CDK8: variants seen among roughly 807,000 people sequenced by gnomAD.
CDK8 encodes cyclin-dependent kinase 8.
In CDK8, 29 loss-of-function variants were observed where a neutral mutation model predicts 71.5. The ratio of observed to expected loss-of-function variants is 0.41; its 90% CI spans 0.30 to 0.55. CDK8 has a LOEUF of 0.55. CDK8 is among the 20% of genes least tolerant of loss of function. The probability of loss-of-function intolerance (pLI) is 0.37; values close to 1 mark genes in which losing one functional copy is unlikely to be tolerated. For synonymous variants in CDK8, 161 were observed against 192.1 expected, an observed-to-expected ratio of 0.84 and a Z score of 1.34; for missense variants, 288 against 572.6, an observed-to-expected ratio of 0.50 and a Z score of 5.07.
chr13:26,387,235 C>T (rs1875522568), intron 6 of CDK8, among the ~76,000 whole-genome samples: 1 of 151,946 alleles, frequency 6.6e-6, no homozygotes. Flanking sequence ...TGCAGTATTC[C>T]CAGAATAATT....
chr13:26,315,761 A>G (rs1874481169), intron 1 of CDK8, among the ~76,000 whole-genome samples: 1 of 152,184 alleles, frequency 6.6e-6, no homozygotes, highest in African/African-American at 2.4e-5. Context: ...GGGAGTAACA[A>G]TACATTGTTG....
At chr13:26,312,554 G>A (rs1386407552) in intron 1 of CDK8, among the ~76,000 whole-genome samples, 1 of 152,196 alleles carries the variant, frequency 6.6e-6, no homozygotes, top group Non-Finnish European at 1.5e-5. Context: ...AAGTCAGCAA[G>A]ACCACGAACC....
chr13:26,376,268 A>G (rs1874944659), intron 4 of CDK8, among the ~76,000 whole-genome samples: 2 of 152,002 alleles, frequency 1.3e-5, no homozygotes, highest in South Asian at 4.1e-4. Context: ...TGAAAGCTAA[A>G]AGTTTTCGAT....
chr13:26,260,219 GT>G (rs1374231895), intron 1 of CDK8, among the ~76,000 whole-genome samples: 4 of 152,088 alleles, frequency 2.6e-5, no homozygotes, highest in Admixed American at 1.3e-4. Context: ...TGTACGTGTA[GT>G]AGTATATATA....
In CDK8 at chr13:26,337,661, A is replaced by G. The variant is rs1384189073; in HGVS notation, c.204+19A>G. ...AATAGCAGTAAGTGAAGTTCTTTTT[A>G]TCATCGTTATTATCAACTGACTTAT... On this transcript the variant is annotated intron_variant, in intron 2 of 12. Transcript: ENST00000381527. 1.6e-6 allele frequency: 2 copies of G among 1,243,604 alleles called. No homozygotes were observed. Among genetic ancestry groups the G allele is most frequent in the Non-Finnish European group, 1.1e-6 (1 of 920,792 alleles). 77.0% of individuals were successfully genotyped at this position (1,243,604 alleles called of 1,614,324 possible).
At chr13:26,298,139 A>G (rs1250012611) in intron 1 of CDK8, among the ~76,000 whole-genome samples, 1 of 152,080 alleles carries the variant, frequency 6.6e-6, no homozygotes, top group African/African-American at 2.4e-5. Context: ...TCAGCACATT[A>G]ATTTTGCAGG....
In CDK8 at chr13:26,324,699, A is replaced by G. The variant is rs544367772; in HGVS notation, c.129-12868A>G. On this transcript the variant is annotated intron_variant, in intron 1 of 12. Coordinates refer to ENST00000381527, the MANE Select transcript of CDK8 (RefSeq NM_001260.3). Reference sequence around the variant, plus strand: ...TAGCATGAGTGTTAAGGAGAAAAGAATGATTATAAATGATCAATGTCAAAA... The same window carrying G: ...TAGCATGAGTGTTAAGGAGAAAAGAGTGATTATAAATGATCAATGTCAAAA... 3 of 236,122 alleles carry G rather than the reference A, an allele frequency of 1.3e-5. No homozygotes were observed. In the South Asian group the frequency reaches 4.7e-4, roughly 37 times the overall value. 14.6% of individuals were successfully genotyped at this position (236,122 alleles called of 1,614,324 possible).
intron 1 of CDK8, among the ~76,000 whole-genome samples, chr13:26,296,757 CA>C (rs774801037): frequency 2.6e-5 from 4 of 152,160 alleles, no homozygotes; most frequent in Non-Finnish European, 5.9e-5. Context: ...GCGCCAGTAT[CA>C]TTAGGTAGCT....
intron 1 of CDK8, among the ~76,000 whole-genome samples, chr13:26,332,911 C>G (rs1872818689): frequency 6.6e-6 from 1 of 152,172 alleles, no homozygotes; most frequent in Admixed American, 6.5e-5. Context: ...TTGAGCACCT[C>G]TCATCCAAAA....
At chr13:26,317,783 A>T (rs537175997) in intron 1 of CDK8, among the ~76,000 whole-genome samples, 60 of 152,306 alleles carry the variant, frequency 3.9e-4, no homozygotes, top group Non-Finnish European at 6.6e-4. Flanking sequence ...CTTATGGGAC[A>T]CAGCAAAAGC....
intron 1 of CDK8, among the ~76,000 whole-genome samples, chr13:26,336,588 C>G (rs556744141): frequency 7.2e-6 from 1 of 139,104 alleles, no homozygotes; most frequent in African/African-American, 2.7e-5. Context: ...GAGTCTCGCT[C>G]TGTCGCCCAG....
chr13:26,288,329 C>T (rs1873123200), intron 1 of CDK8, among the ~76,000 whole-genome samples: 1 of 152,126 alleles, frequency 6.6e-6, no homozygotes, highest in Admixed American at 6.6e-5. Context: ...TTGTTACCTA[C>T]TGTAAGGTTA....
At chr13:26,318,433 C>T (rs950902760) in intron 1 of CDK8, among the ~76,000 whole-genome samples, 2 of 152,138 alleles carry the variant, frequency 1.3e-5, no homozygotes, top group African/African-American at 4.8e-5. Context: ...CTAACTCATT[C>T]TGTATGAGGC....
intron 1 of CDK8, among the ~76,000 whole-genome samples, chr13:26,295,557 A>G (rs1415619650): frequency 6.6e-6 from 1 of 152,158 alleles, no homozygotes; most frequent in Non-Finnish European, 1.5e-5. Flanking sequence ...TCTTTGAAGA[A>G]CTTTGTTGAA....
At chr13:26,397,289 G>A (rs1876041265) in intron 9 of CDK8, 64 bp downstream of exon 9, 3 of 990,996 alleles carry the variant, frequency 3.0e-6, no homozygotes, top group Admixed American at 2.1e-5. Context: ...CCCAACTGAG[G>A]CTTTTTTGGA....
rs546210014 is a variant in CDK8, at chr13:26,316,803, G to C, written c.129-20764G>C. The stretch of plus-strand genomic sequence containing the variant: ...AAATCACAAGACATACAAAGAAACA[G>C]GAAAATGTGGCCCATTCAAAAAATA... On this transcript the variant is annotated intron_variant, in intron 1 of 12. Coordinates refer to ENST00000381527, the MANE Select transcript of CDK8 (RefSeq NM_001260.3). 2.0e-5 allele frequency among the ~76,000 whole-genome samples: 3 copies of C among 152,070 alleles called. No individual in the cohort carries two copies. In the East Asian group the frequency reaches 5.8e-4, roughly 29 times the overall value.
At chr13:26,334,833 C>T (rs1173842305) in intron 1 of CDK8, among the ~76,000 whole-genome samples, 1 of 152,134 alleles carries the variant, frequency 6.6e-6, no homozygotes, top group East Asian at 1.9e-4. Flanking sequence ...TAGTATATGA[C>T]CTCATTGCCA....
chr13:26,400,930 T>C (rs1325238266), intron 10 of CDK8, among the ~76,000 whole-genome samples: 1 of 152,102 alleles, frequency 6.6e-6, no homozygotes, highest in Non-Finnish European at 1.5e-5. Context: ...GTAGGAAGGG[T>C]AAAACAAAAA....
Position 26,279,967 on chromosome 13 carries a change from TTGTG to T in CDK8, c.128+25216_128+25219del, listed in dbSNP as rs148491122. Among the ~76,000 whole-genome samples, 351 of 149,544 alleles carry T rather than the reference TTGTG, an allele frequency of 2.3e-3. 6 individuals are homozygous for T. The highest frequency in any genetic ancestry group is 0.023 in the East Asian group (119 of 5,112). On this transcript the variant is annotated intron_variant, in intron 1 of 12. Coordinates refer to ENST00000381527, the MANE Select transcript of CDK8 (RefSeq NM_001260.3). The stretch of plus-strand genomic sequence containing the variant: ...TACTTTCAAGTGGTTCAGAAGAAAA[TTGTG>T]TGTGTGTGTGTGTGTGTATGTGTGT...
Sources: gnomAD v4.1 joint callset for allele counts (sites outside exome capture counted in the v4.1 genomes callset) on GRCh38, gnomAD v4.1.1 for gene constraint, MANE v1.5 for transcripts, NCBI Gene and HGNC (gene_info 2026-07-23, HGNC 2026-07-21) for gene names.